Variants in PRRX1 observed in about 807,000 individuals in gnomAD.
PRRX1 encodes the protein paired mesoderm homeobox protein 1.
A neutral mutation model predicts 24.0 loss-of-function variants in PRRX1; 8 were observed. The observed-to-expected ratio is 0.33, with a 90% CI of 0.20 to 0.60. PRRX1 has a LOEUF of 0.60. Ranked by LOEUF, PRRX1 falls within the 20% of genes least tolerant of loss-of-function variation. PRRX1 has a pLI of 0.82. For synonymous variants in PRRX1, 160 were observed against 131.7 expected, an observed-to-expected ratio of 1.22 and a Z score of -1.47; for missense variants, 281 against 322.4, an observed-to-expected ratio of 0.87 and a Z score of 0.98.
intron 1 of PRRX1, among the ~76,000 whole-genome samples, chr1:170,672,125 A>G (rs1200834091): frequency 2.0e-5 from 3 of 152,122 alleles, no homozygotes; most frequent in Non-Finnish European, 2.9e-5. Context: ...ACCTAAAGCC[A>G]TTTCCAATCT....
chr1:170,738,257 T>G lies in PRRX1; in HGVS notation c.*2071T>G, dbSNP rs527644827. The G allele has an allele frequency of 7.1e-5, 16 of 225,394 alleles. No individual in the cohort carries two copies. Among genetic ancestry groups the G allele is most frequent in the Admixed American group, 3.4e-4 (6 of 17,492 alleles). 14.0% of individuals were successfully genotyped at this position (225,394 alleles called of 1,614,324 possible). The stretch of plus-strand genomic sequence containing the variant: ...TTAAGATGCACTTTTAGCACACATT[T>G]GTATTTCCCTTGGCATATCAGATTG... On this transcript the variant is annotated 3_prime_UTR_variant, in exon 4 of 4. Transcript: ENST00000239461.
In PRRX1 at chr1:170,711,455, C is replaced by T. The variant is rs112825908; in HGVS notation, c.242-8271C>T. Among the ~76,000 whole-genome samples, 162 of 152,308 alleles carry T rather than the reference C, an allele frequency of 1.1e-3. 1 individual carries two copies. Among genetic ancestry groups the T allele is most frequent in the African/African-American group, 3.7e-3 (153 of 41,582 alleles). ...TCTAAGCAGAGAAGCTCTGCTCCATCACTCCTGTCCTTCTAAGAGCTGAGC... is the reference window on the plus strand; with the variant it reads ...TCTAAGCAGAGAAGCTCTGCTCCATTACTCCTGTCCTTCTAAGAGCTGAGC... On this transcript the variant is annotated intron_variant, in intron 1 of 3. Transcript: ENST00000239461.
chr1:170,685,097 A>G (rs1653686016), intron 1 of PRRX1, among the ~76,000 whole-genome samples: 1 of 152,236 alleles, frequency 6.6e-6, no homozygotes, highest in Non-Finnish European at 1.5e-5. Flanking sequence ...CAGGAAATTT[A>G]ATCAATATTT....
intron 1 of PRRX1, 86 bp from the exon 2 acceptor site, chr1:170,719,640 T>C: frequency 7.1e-7 from 1 of 1,406,384 alleles, no homozygotes; most frequent in Non-Finnish European, 9.9e-7. Flanking sequence ...TGAAGCAAGA[T>C]CTCACTATAG....
intron 3 of PRRX1, chr1:170,730,153 C>T: frequency 2.3e-6 from 2 of 857,734 alleles, no homozygotes; most frequent in South Asian, 2.7e-5. Context: ...GAGAGGTCAG[C>T]TATCCTTGTC....
intron 1 of PRRX1, among the ~76,000 whole-genome samples, chr1:170,718,082 A>T (rs556945613): frequency 1.2e-3 from 186 of 152,348 alleles, no homozygotes; most frequent in Non-Finnish European, 1.9e-3. Context: ...AGAGAAAGGT[A>T]TGGTAGCTTC....
At chr1:170,729,527 G>T (rs774745201) in intron 3 of PRRX1, among the ~76,000 whole-genome samples, 1 of 152,202 alleles carries the variant, frequency 6.6e-6, no homozygotes, top group Non-Finnish European at 1.5e-5. Flanking sequence ...TACATCCAGA[G>T]TCATGGATGT....
At chr1:170,673,795 A>G (rs1244124407) in intron 1 of PRRX1, among the ~76,000 whole-genome samples, 1 of 152,074 alleles carries the variant, frequency 6.6e-6, no homozygotes, top group Non-Finnish European at 1.5e-5. Flanking sequence ...TCCTTCCTTT[A>G]TGTTTCTGTT....
chr1:170,676,727 T>G (rs912627823), intron 1 of PRRX1, among the ~76,000 whole-genome samples: 1 of 152,180 alleles, frequency 6.6e-6, no homozygotes, highest in Non-Finnish European at 1.5e-5. Context: ...ATTTTATTTA[T>G]TTTTCATTAT....
At chr1:170,681,759 C>T (rs962355630) in intron 1 of PRRX1, among the ~76,000 whole-genome samples, 13 of 152,156 alleles carry the variant, frequency 8.5e-5, no homozygotes, top group African/African-American at 3.1e-4. Flanking sequence ...CTTGACAAGT[C>T]TATTGAAGAT....
rs139568481 is a variant in PRRX1 at position 170,736,197 on chromosome 1, T to A, written c.*11T>A. ...CCAACAGTCAACTGAGGAAAAAAAA[T>A]AATTAAACAGGCCTAAGAAGAAATC... On this transcript the variant is annotated 3_prime_UTR_variant, in exon 4 of 4. Coordinates refer to ENST00000239461, the MANE Select transcript of PRRX1 (RefSeq NM_022716.4). 1.2e-6 allele frequency: 2 copies of A among 1,613,734 alleles called. No individual in the cohort carries two copies. The highest frequency in any genetic ancestry group is 8.5e-7 in the Non-Finnish European group (1 of 1,179,806).
At chr1:170,692,049 G>A (rs1007322956) in intron 1 of PRRX1, among the ~76,000 whole-genome samples, 9 of 152,032 alleles carry the variant, frequency 5.9e-5, no homozygotes, top group African/African-American at 2.2e-4. Context: ...TCATATATGG[G>A]TCTAGAATCT....
intron 1 of PRRX1, among the ~76,000 whole-genome samples, chr1:170,718,504 A>G (rs1343684677): frequency 2.0e-5 from 3 of 152,236 alleles, no homozygotes; most frequent in Non-Finnish European, 2.9e-5. Context: ...GAGAATTTGC[A>G]TATTAGAAGA....
chr1:170,726,424 C>T (rs1319715942), intron 3 of PRRX1, 23 bp downstream of exon 3: 1 of 1,608,284 alleles, frequency 6.2e-7, no homozygotes, highest in Non-Finnish European at 8.5e-7. Context: ...CCCACTCTCC[C>T]TTGCTCCACT....
chr1:170,711,726 C>A (rs530003336), intron 1 of PRRX1, among the ~76,000 whole-genome samples: 1 of 152,214 alleles, frequency 6.6e-6, no homozygotes, highest in East Asian at 1.9e-4. Flanking sequence ...GGAAAAAAAC[C>A]TCAGCAGAAG....
chr1:170,666,104 A>G (rs1347646119), intron 1 of PRRX1, among the ~76,000 whole-genome samples: 1 of 152,210 alleles, frequency 6.6e-6, no homozygotes, highest in African/African-American at 2.4e-5. Flanking sequence ...TAAACGTTTT[A>G]CCAGGGAAAA....
intron 1 of PRRX1, among the ~76,000 whole-genome samples, chr1:170,675,528 GT>G (rs984500683): frequency 1.3e-5 from 2 of 152,016 alleles, no homozygotes; most frequent in Non-Finnish European, 2.9e-5. Flanking sequence ...CTATATAAAG[GT>G]ATTTCTTTAT....
chr1:170,734,968 A>C (rs1403323133), intron 3 of PRRX1, among the ~76,000 whole-genome samples: 2 of 152,190 alleles, frequency 1.3e-5, no homozygotes, highest in Admixed American at 1.3e-4. Context: ...TTCCATTGGA[A>C]TGCAGGCAAC....
chr1:170,687,338 C>T (rs1477540154), intron 1 of PRRX1, among the ~76,000 whole-genome samples: 1 of 152,182 alleles, frequency 6.6e-6, no homozygotes, highest in Admixed American at 6.6e-5. Context: ...AACTCTTGGC[C>T]TACAAGTCTC....
Sources: gnomAD v4.1 joint callset for allele counts (sites outside exome capture counted in the v4.1 genomes callset) on GRCh38, gnomAD v4.1.1 for gene constraint, MANE v1.5 for transcripts, NCBI Gene and HGNC (gene_info 2026-07-23, HGNC 2026-07-21) for gene names.